MAGI1: variants seen among roughly 807,000 people sequenced by gnomAD.
MAGI1 encodes membrane associated guanylate kinase, WW and PDZ domain containing 1.
MAGI1 carries 58 observed loss-of-function variants against 139.9 expected under a neutral mutation model. The observed-to-expected ratio is 0.41, with a 90% CI of 0.34 to 0.52. The LOEUF is 0.52. Among genes scored for constraint, MAGI1 ranks in the 20% least tolerant of loss-of-function variants. The pLI is 0.12. For synonymous variants in MAGI1, 812 were observed against 737.9 expected (o/e 1.10, Z -1.63); for missense variants, 1,874 against 1,901.6 (o/e 0.99, Z 0.27).
At chr3:65,991,363 T>C (rs2066167250) in intron 1 of MAGI1, among the ~76,000 whole-genome samples, 1 of 146,036 alleles carries the variant, frequency 6.8e-6, no homozygotes, top group South Asian at 2.2e-4. Context: ...ATGGCAAAAC[T>C]CATGAAGCTG....
intron 1 of MAGI1, among the ~76,000 whole-genome samples, chr3:66,012,068 G>C (rs541399590): frequency 6.6e-6 from 1 of 152,018 alleles, no homozygotes; most frequent in African/African-American, 2.4e-5. Context: ...ATTTGCTTTT[G>C]CTTGTTTTAG....
chr3:65,374,313 C>CTTTTTTTTTTTTTTT (rs3072933), intron 18 of MAGI1, among the ~76,000 whole-genome samples: 1 of 95,054 alleles, frequency 1.1e-5, no homozygotes, highest in Non-Finnish European at 1.9e-5. Flanking sequence ...ATCAACTTAA[C>CTTTTTTTTTTTTTTT]TTTTTTTTTT....
intron 1 of MAGI1, among the ~76,000 whole-genome samples, chr3:66,008,407 T>C (rs1478603793): frequency 6.6e-6 from 1 of 152,100 alleles, no homozygotes; most frequent in Non-Finnish European, 1.5e-5. Flanking sequence ...CATCTCCTCC[T>C]CCATTTAGTC....
At chr3:65,462,358 C>T (rs1949859755) in intron 5 of MAGI1, among the ~76,000 whole-genome samples, 2 of 152,290 alleles carry the variant, frequency 1.3e-5, no homozygotes, top group African/African-American at 2.4e-5. Flanking sequence ...TTTTCCAACA[C>T]CATTTATTAA....
At chr3:65,795,750 T>C (rs999138205) in intron 1 of MAGI1, among the ~76,000 whole-genome samples, 6 of 114,950 alleles carry the variant, frequency 5.2e-5, no homozygotes, top group African/African-American at 1.5e-4. Flanking sequence ...GAGATAGAGA[T>C]TTAAGAAATT....
intron 4 of MAGI1, among the ~76,000 whole-genome samples, chr3:65,472,129 C>T (rs1054058500): frequency 1.3e-5 from 2 of 151,998 alleles, no homozygotes; most frequent in East Asian, 3.9e-4. Context: ...AATAGATCAA[C>T]TATAAGTAAG....
rs145111593 is a variant in MAGI1, at chr3:65,933,596, TAGG to T, written c.313+104397_313+104399del. On this transcript the variant is annotated intron_variant, in intron 1 of 22. Transcript: ENST00000402939. ...GCTTGAATGTCAGTCCTACTCAGCT[TAGG>T]AGGAGTCCATACAAGGCCATGAATA... Among the ~76,000 whole-genome samples the T allele has an allele frequency of 3.6e-3, 544 of 152,196 alleles. 5 individuals carry two copies. The highest frequency in any genetic ancestry group is 0.012 in the African/African-American group (504 of 41,526).
intron 1 of MAGI1, among the ~76,000 whole-genome samples, chr3:66,014,093 T>C (rs2067494358): frequency 6.6e-6 from 1 of 152,122 alleles, no homozygotes; most frequent in Non-Finnish European, 1.5e-5. Flanking sequence ...CCATTTCCCA[T>C]TTCTCTTGCC....
intron 1 of MAGI1, among the ~76,000 whole-genome samples, chr3:65,951,102 A>G (rs1008557626): frequency 2.0e-5 from 3 of 151,706 alleles, no homozygotes; most frequent in Non-Finnish European, 4.4e-5. Flanking sequence ...AAGAGAGAGA[A>G]TCTCATAATG....
At chr3:66,010,130 A>G (rs561065128) in intron 1 of MAGI1, among the ~76,000 whole-genome samples, 2 of 152,164 alleles carry the variant, frequency 1.3e-5, no homozygotes, top group African/African-American at 2.4e-5. Context: ...TTTAAAAACA[A>G]TAACGACTAA....
chr3:65,890,344 G>A (rs977200380), intron 1 of MAGI1, among the ~76,000 whole-genome samples: 2 of 152,128 alleles, frequency 1.3e-5, no homozygotes, highest in African/African-American at 2.4e-5. Context: ...CAGCCTGGGC[G>A]ACAGAGCGAG....
intron 8 of MAGI1, among the ~76,000 whole-genome samples, chr3:65,442,171 C>A (rs1238872304): frequency 1.3e-4 from 19 of 151,334 alleles, no homozygotes; most frequent in Admixed American, 1.3e-3. Flanking sequence ...AAGTGGGAGC[C>A]CAATGCTAGA....
chr3:65,521,556 G>A (rs1048912357), intron 2 of MAGI1, among the ~76,000 whole-genome samples: 3 of 152,072 alleles, frequency 2.0e-5, no homozygotes, highest in African/African-American at 7.2e-5. Flanking sequence ...ATTACTTACT[G>A]AGTATTAATA....
At chr3:65,972,310 A>G (rs939685147) in intron 1 of MAGI1, among the ~76,000 whole-genome samples, 10 of 152,226 alleles carry the variant, frequency 6.6e-5, no homozygotes, top group Admixed American at 2.6e-4. Context: ...AGCAGAGAAT[A>G]TATTTTAGAA....
intron 1 of MAGI1, among the ~76,000 whole-genome samples, chr3:65,826,574 T>G (rs958743163): frequency 3.9e-5 from 6 of 152,224 alleles, no homozygotes; most frequent in African/African-American, 7.2e-5. Context: ...CCTTAGTTAT[T>G]ATTACATATG....
Position 65,506,720 on chromosome 3 carries a change from T to C in MAGI1, c.431-13089A>G, listed in dbSNP as rs370354323. Reference sequence around the variant, plus strand: ...AATTTGAGGATCTCAATTGCCCTAATTCCATGTTAACCATGTTATTCTTCA... The same window carrying C: ...AATTTGAGGATCTCAATTGCCCTAACTCCATGTTAACCATGTTATTCTTCA... On this transcript the variant is annotated intron_variant, in intron 2 of 22. Coordinates refer to ENST00000402939, the MANE Select transcript of MAGI1 (RefSeq NM_001033057.2). Among the ~76,000 whole-genome samples the C allele has an allele frequency of 4.9e-3, 744 of 152,312 alleles. 5 individuals are homozygous for C. Among genetic ancestry groups the C allele is most frequent in the Non-Finnish European group, 7.6e-3 (514 of 68,022 alleles).
At chr3:65,456,249 GCTAA>G (rs1949380218) in intron 5 of MAGI1, among the ~76,000 whole-genome samples, 1 of 152,120 alleles carries the variant, frequency 6.6e-6, no homozygotes, top group Non-Finnish European at 1.5e-5. Context: ...TTTCCCTAGA[GCTAA>G]CTAATTTTTT....
chr3:65,839,145 T>A (rs573791067), intron 1 of MAGI1, among the ~76,000 whole-genome samples: 1 of 152,176 alleles, frequency 6.6e-6, no homozygotes, highest in South Asian at 2.1e-4. Flanking sequence ...ACAGACCACA[T>A]ATACAATGGT....
At chr3:65,629,079 T>C (rs2084140171) in intron 1 of MAGI1, among the ~76,000 whole-genome samples, 1 of 152,192 alleles carries the variant, frequency 6.6e-6, no homozygotes, top group Non-Finnish European at 1.5e-5. Context: ...TGTCTCTTTT[T>C]CTGTTACATA....
Sources: gnomAD v4.1 joint callset for allele counts (sites outside exome capture counted in the v4.1 genomes callset) on GRCh38, gnomAD v4.1.1 for gene constraint, MANE v1.5 for transcripts, NCBI Gene and HGNC (gene_info 2026-07-23, HGNC 2026-07-21) for gene names.